Variants in MICU1 observed in about 807,000 individuals in gnomAD.
MICU1 encodes the protein calcium uptake protein 1, mitochondrial.
Under a neutral mutation model 56.8 loss-of-function variants are expected in MICU1, and 45 were observed. That is an observed-to-expected ratio of 0.79 (90% CI 0.62 to 1.02). MICU1 has a LOEUF of 1.02. Ranked by LOEUF, MICU1 falls within the 50% of genes least tolerant of loss-of-function variation. The pLI is 0.00. For missense variants in MICU1, 504 were observed against 587.1 expected, an observed-to-expected ratio of 0.86 and a Z score of 1.46; for synonymous variants, 186 against 195.1, an observed-to-expected ratio of 0.95 and a Z score of 0.39.
intron 6 of MICU1, among the ~76,000 whole-genome samples, chr10:72,487,926 G>A (rs1036205804): frequency 6.6e-6 from 1 of 152,074 alleles, no homozygotes; most frequent in Admixed American, 6.5e-5. Flanking sequence ...TCTGGATGTG[G>A]TGGCTCACAC....
intron 4 of MICU1, among the ~76,000 whole-genome samples, chr10:72,534,983 T>C (rs542208131): frequency 6.6e-6 from 1 of 151,250 alleles, no homozygotes; most frequent in South Asian, 2.1e-4. Flanking sequence ...AATTAAAACT[T>C]TGATTGCCTA....
At chr10:72,477,077 C>T in intron 7 of MICU1, 97 bp downstream of exon 7, 1 of 829,058 alleles carries the variant, frequency 1.2e-6, no homozygotes, top group Non-Finnish European at 1.8e-6. Context: ...TTGGAATAGC[C>T]TCTGAGTATA....
chr10:72,560,766 A>C (rs1840276449), intron 3 of MICU1, among the ~76,000 whole-genome samples: 1 of 152,188 alleles, frequency 6.6e-6, no homozygotes, highest in Non-Finnish European at 1.5e-5. Context: ...GCTACTCAGG[A>C]GGCTGAGGCA....
chr10:72,416,251 AT>A (rs1863979975), intron 9 of MICU1, among the ~76,000 whole-genome samples: 2 of 152,204 alleles, frequency 1.3e-5, no homozygotes, highest in African/African-American at 2.4e-5. Flanking sequence ...TCCTATAGTA[AT>A]TCATAGCTTA....
chr10:72,423,205 C>T, intron 9 of MICU1, 29 bp downstream of exon 9: 1 of 1,604,876 alleles, frequency 6.2e-7, no homozygotes. Context: ...ACCACGGTTT[C>T]TCTTCTTCCT....
intron 10 of MICU1, among the ~76,000 whole-genome samples, chr10:72,382,385 T>C (rs11000279): frequency 0.44 from 66,661 of 151,452 alleles, 18,529 homozygotes; most frequent in Non-Finnish European, 0.64. Context: ...GTGCTGGGAT[T>C]ACAGGCATGA....
intron 7 of MICU1, among the ~76,000 whole-genome samples, chr10:72,476,083 C>T (rs1418811702): frequency 4.0e-5 from 6 of 151,792 alleles, no homozygotes; most frequent in Admixed American, 6.6e-5. Flanking sequence ...AAAAATTAGC[C>T]GGGTGTGGTG....
chr10:72,555,267 T>A (rs1013237887), intron 3 of MICU1, among the ~76,000 whole-genome samples: 1 of 152,188 alleles, frequency 6.6e-6, no homozygotes, highest in Non-Finnish European at 1.5e-5. Flanking sequence ...AATGCTATCA[T>A]CTTTTAGTTT....
At chr10:72,501,521 T>C (rs1043086416) in intron 6 of MICU1, among the ~76,000 whole-genome samples, 1 of 152,138 alleles carries the variant, frequency 6.6e-6, no homozygotes, top group African/African-American at 2.4e-5. Context: ...GATATGTCTG[T>C]AGTGAATATC....
At chr10:72,452,425 T>A (rs149072481) in intron 8 of MICU1, among the ~76,000 whole-genome samples, 16 of 152,296 alleles carry the variant, frequency 1.1e-4, no homozygotes, top group African/African-American at 3.8e-4. Context: ...ACACTAAAAA[T>A]GATGCCACCA....
intron 8 of MICU1, among the ~76,000 whole-genome samples, chr10:72,446,224 T>C (rs1208342199): frequency 6.6e-6 from 1 of 151,990 alleles, no homozygotes; most frequent in African/African-American, 2.4e-5. Flanking sequence ...TTCAGAAGAG[T>C]TGGATCCTGA....
At chr10:72,601,802 CTTTT>C (rs199587505) in intron 1 of MICU1, among the ~76,000 whole-genome samples, 1 of 143,458 alleles carries the variant, frequency 7.0e-6, no homozygotes, top group Admixed American at 7.1e-5. Flanking sequence ...TTTTCTTTTT[CTTTT>C]TTTTTTTTTT....
intron 10 of MICU1, among the ~76,000 whole-genome samples, chr10:72,399,407 C>T (rs11000287): frequency 0.44 from 67,262 of 151,960 alleles, 18,752 homozygotes; most frequent in Non-Finnish European, 0.64. Flanking sequence ...CACATATATA[C>T]CTATGTCTCA....
chr10:72,556,134 C>T (rs1202617637), intron 3 of MICU1, among the ~76,000 whole-genome samples: 1 of 152,156 alleles, frequency 6.6e-6, no homozygotes, highest in Non-Finnish European at 1.5e-5. Flanking sequence ...GTGACATAAC[C>T]TAATCTGTAA....
intron 4 of MICU1, among the ~76,000 whole-genome samples, chr10:72,535,006 T>TTTATTTTATTTTATTTTATTTTA (rs879632875): frequency 0.025 from 2,156 of 86,258 alleles, 391 homozygotes; most frequent in Non-Finnish European, 0.035. Flanking sequence ...TCCCTCTATT[T>TTTATTTTATTTTATTTTATTTTA]TTTATTTTAT....
intron 8 of MICU1, among the ~76,000 whole-genome samples, chr10:72,455,500 C>A (rs896677814): frequency 2.6e-5 from 4 of 151,832 alleles, no homozygotes; most frequent in African/African-American, 9.7e-5. Flanking sequence ...AGAACATAAT[C>A]CTTGAATCTG....
At chr10:72,444,757 T>C (rs1219223038) in intron 8 of MICU1, among the ~76,000 whole-genome samples, 3 of 152,214 alleles carry the variant, frequency 2.0e-5, no homozygotes, top group African/African-American at 7.2e-5. Context: ...CAGCCTTGCA[T>C]TGTTTACTGT....
rs1422207907 is a variant in MICU1 at position 72,463,698 on chromosome 10, C to CTAGTGA, written c.933+11396_933+11401dup. 2.0e-5 allele frequency among the ~76,000 whole-genome samples: 3 copies of CTAGTGA among 152,166 alleles called. No homozygotes were observed. The East Asian group carries it at 5.8e-4, about 29-fold the overall frequency. On this transcript the variant is annotated intron_variant, in intron 8 of 11. Coordinates refer to ENST00000361114, the MANE Select transcript of MICU1 (RefSeq NM_001195518.2). ...CATGGAACTGAAAAATTCCTATCAC[C>CTAGTGA]TAGTGATGTTGTGAGGTTGCAATGC...
chr10:72,484,569 A>C (rs1341002176), intron 6 of MICU1, among the ~76,000 whole-genome samples: 1 of 152,336 alleles, frequency 6.6e-6, no homozygotes, highest in Non-Finnish European at 1.5e-5. Flanking sequence ...GAATTCCATA[A>C]AAGAGAAGTC....
Sources: allele counts gnomAD v4.1 joint callset (sites outside exome capture counted in the v4.1 genomes callset), GRCh38; gene constraint gnomAD v4.1.1; transcripts MANE v1.5; gene names NCBI Gene and HGNC (gene_info 2026-07-23, HGNC 2026-07-21).